Variants in DLG2 observed in about 807,000 individuals in gnomAD.
DLG2 encodes disks large homolog 2.
In DLG2, 45 loss-of-function variants were observed where a neutral mutation model predicts 132.5. The observed-to-expected ratio is 0.34, with a 90% CI of 0.27 to 0.44. DLG2 has a LOEUF of 0.44. DLG2 is among the 20% of genes least tolerant of loss of function. The probability of loss-of-function intolerance (pLI) is 1.00; values close to 1 mark genes in which losing one functional copy is unlikely to be tolerated. For missense variants in DLG2, 1,045 were observed against 1,196.9 expected (o/e 0.87, Z 1.87); for synonymous variants, 424 against 419.6 (o/e 1.01, Z -0.13).
intron 11 of DLG2, among the ~76,000 whole-genome samples, chr11:84,002,474 C>A (rs184917744): frequency 6.6e-6 from 1 of 152,326 alleles, no homozygotes; most frequent in Admixed American, 6.5e-5. Context: ...CATTTTCATA[C>A]ATCCTCTGAA....
chr11:84,874,814 C>T (rs1221353789), intron 6 of DLG2, among the ~76,000 whole-genome samples: 2 of 151,870 alleles, frequency 1.3e-5, no homozygotes, highest in Admixed American at 6.6e-5. Context: ...TGAGGTCAGG[C>T]ATTCAAGACC....
chr11:85,590,978 CATTTAGAA>C (rs1368613488), intron 3 of DLG2, among the ~76,000 whole-genome samples: 3 of 152,142 alleles, frequency 2.0e-5, no homozygotes, highest in Non-Finnish European at 4.4e-5. Context: ...TAGCATCCTT[CATTTAGAA>C]ACAACCAGCC....
At chr11:84,034,495 G>GC (rs1463597609) in intron 11 of DLG2, among the ~76,000 whole-genome samples, 2 of 152,068 alleles carry the variant, frequency 1.3e-5, no homozygotes, top group African/African-American at 4.8e-5. Flanking sequence ...AAATTTTGAA[G>GC]CTTTTCCTTG....
At chr11:83,806,017 A>G (rs548343808) in intron 17 of DLG2, among the ~76,000 whole-genome samples, 1 of 152,208 alleles carries the variant, frequency 6.6e-6, no homozygotes, top group Non-Finnish European at 1.5e-5. Context: ...TAGAAGCTTC[A>G]TGTCCATCCC....
chr11:84,844,608 CT>C (rs1305292429), intron 6 of DLG2, among the ~76,000 whole-genome samples: 1 of 151,978 alleles, frequency 6.6e-6, no homozygotes, highest in Non-Finnish European at 1.5e-5. Flanking sequence ...ATTTTTATTT[CT>C]CCTTTCAGAC....
chr11:85,328,785 CAGGAGAA>C (rs2081546598), intron 3 of DLG2, among the ~76,000 whole-genome samples: 1 of 142,382 alleles, frequency 7.0e-6, no homozygotes, highest in Admixed American at 7.1e-5. Flanking sequence ...GGCAATCAGG[CAGGAGAA>C]GGAAATAAAG....
intron 18 of DLG2, among the ~76,000 whole-genome samples, chr11:83,776,193 C>T (rs1396723375): frequency 6.6e-6 from 1 of 152,154 alleles, no homozygotes; most frequent in African/African-American, 2.4e-5. Flanking sequence ...ATCATGCTTT[C>T]CATGTTTTCA....
At chr11:84,913,081 G>A (rs2092219769) in intron 6 of DLG2, among the ~76,000 whole-genome samples, 1 of 152,170 alleles carries the variant, frequency 6.6e-6, no homozygotes, top group Non-Finnish European at 1.5e-5. Context: ...AGATTCTACA[G>A]GATTTGTGGA....
At chr11:84,204,348 C>T (rs2096637922) in intron 8 of DLG2, among the ~76,000 whole-genome samples, 1 of 152,262 alleles carries the variant, frequency 6.6e-6, no homozygotes, top group African/African-American at 2.4e-5. Context: ...AAATACAGTA[C>T]AATAAATTTC....
chr11:85,348,814 A>G (rs1313343451), intron 3 of DLG2, among the ~76,000 whole-genome samples: 2 of 152,114 alleles, frequency 1.3e-5, no homozygotes, highest in Non-Finnish European at 2.9e-5. Context: ...CTCTCCAGTC[A>G]TCCCTTCATC....
chr11:84,038,349 G>A (rs948356910), intron 11 of DLG2, among the ~76,000 whole-genome samples: 11 of 151,640 alleles, frequency 7.3e-5, no homozygotes, highest in Non-Finnish European at 1.0e-4. Context: ...ATGAACAGAC[G>A]CTTCTCAAAA....
intron 8 of DLG2, among the ~76,000 whole-genome samples, chr11:84,235,008 G>A (rs1282530806): frequency 3.9e-5 from 6 of 152,180 alleles, no homozygotes; most frequent in Non-Finnish European, 8.8e-5. Context: ...GAAGCCTGCG[G>A]CCTGGAAGCT....
chr11:84,525,675 C>A (rs2099318118), intron 7 of DLG2, among the ~76,000 whole-genome samples: 1 of 152,162 alleles, frequency 6.6e-6, no homozygotes, highest in Admixed American at 6.5e-5. Flanking sequence ...ATGTCATTCT[C>A]CTTTTTAAAA....
chr11:84,923,002 C>T (rs929457750), intron 6 of DLG2: 1 of 1,580,314 alleles, frequency 6.3e-7, no homozygotes, highest in Non-Finnish European at 8.7e-7. Flanking sequence ...AGTCCTGAAG[C>T]TACACAAGGT....
intron 14 of DLG2, 21 bp downstream of exon 14, chr11:83,962,864 T>C (rs770348736): frequency 6.2e-7 from 1 of 1,610,664 alleles, no homozygotes; most frequent in South Asian, 1.1e-5. Flanking sequence ...CAAATCCAAT[T>C]AACTAACAGG....
intron 6 of DLG2, among the ~76,000 whole-genome samples, chr11:84,606,612 A>G (rs1301513673): frequency 6.6e-6 from 1 of 152,194 alleles, no homozygotes; most frequent in Non-Finnish European, 1.5e-5. Context: ...CAATTGTGAC[A>G]CATAAGTGAA....
intron 6 of DLG2, among the ~76,000 whole-genome samples, chr11:84,768,703 G>A (rs906798241): frequency 6.6e-6 from 1 of 151,928 alleles, no homozygotes; most frequent in South Asian, 2.1e-4. Flanking sequence ...AATTATAAAC[G>A]ACTGAAATTT....
intron 17 of DLG2, chr11:83,790,504 C>T (rs552119371): frequency 1.6e-6 from 2 of 1,260,598 alleles, no homozygotes; most frequent in East Asian, 4.6e-5. Flanking sequence ...TGCACTGAGA[C>T]ATAAACTCTT....
chr11:84,502,410 CT>C (rs914339319), intron 7 of DLG2, among the ~76,000 whole-genome samples: 1 of 89,336 alleles, frequency 1.1e-5, no homozygotes, highest in African/African-American at 6.5e-5. Flanking sequence ...TTCTTTCTTT[CT>C]TTCTATACAG....
Sources: gnomAD v4.1 joint callset for allele counts (sites outside exome capture counted in the v4.1 genomes callset) on GRCh38, gnomAD v4.1.1 for gene constraint, MANE v1.5 for transcripts, NCBI Gene and HGNC (gene_info 2026-07-23, HGNC 2026-07-21) for gene names.